NTM: variants seen among roughly 807,000 people sequenced by gnomAD.
NTM encodes neurotrimin, also known as IgLON family member 2.
A neutral mutation model predicts 42.1 loss-of-function variants in NTM; 13 were observed. The ratio of observed to expected loss-of-function variants is 0.31; its 90% CI spans 0.20 to 0.49. The LOEUF (loss-of-function observed/expected upper bound fraction) is 0.49. Among genes scored for constraint, NTM ranks in the 20% least tolerant of loss-of-function variants. The probability of loss-of-function intolerance (pLI) is 0.99; values close to 1 mark genes in which losing one functional copy is unlikely to be tolerated. For synonymous variants in NTM, 187 were observed against 179.2 expected, an observed-to-expected ratio of 1.04 and a Z score of -0.35; for missense variants, 373 against 452.8, an observed-to-expected ratio of 0.82 and a Z score of 1.60.
intron 2 of NTM, among the ~76,000 whole-genome samples, chr11:132,013,922 C>G (rs1263101996): frequency 6.6e-6 from 1 of 152,030 alleles, no homozygotes; most frequent in African/African-American, 2.4e-5. Flanking sequence ...TCGAAATGTA[C>G]AGTACATTGT....
At chr11:131,376,209 A>C (rs929429387) in intron 1 of NTM, among the ~76,000 whole-genome samples, 8 of 152,182 alleles carry the variant, frequency 5.3e-5, no homozygotes, top group African/African-American at 1.9e-4. Context: ...CCTCCCCAAA[A>C]GGTTCTCTGG....
At chr11:131,933,633 TA>T (rs2058878453) in intron 2 of NTM, among the ~76,000 whole-genome samples, 1 of 152,024 alleles carries the variant, frequency 6.6e-6, no homozygotes, top group Non-Finnish European at 1.5e-5. Context: ...AAAGTTTTAT[TA>T]AGTTAGTGCT....
intron 1 of NTM, among the ~76,000 whole-genome samples, chr11:131,589,020 C>A (rs2059126656): frequency 6.6e-6 from 1 of 152,122 alleles, no homozygotes; most frequent in African/African-American, 2.4e-5. Context: ...CATGCCTGAG[C>A]ATGCTAGGGG....
intron 2 of NTM, among the ~76,000 whole-genome samples, chr11:132,019,730 A>G (rs2135509324): frequency 6.6e-6 from 1 of 152,212 alleles, no homozygotes; most frequent in South Asian, 2.1e-4. Flanking sequence ...TCTAACATGT[A>G]GAAACCTGAG....
chr11:132,141,250 T>TCCCTCTCTCTCCCCCCTAC (rs2069073981), intron 2 of NTM, among the ~76,000 whole-genome samples: 1 of 151,904 alleles, frequency 6.6e-6, no homozygotes, highest in African/African-American at 2.4e-5. Flanking sequence ...TCTCTCTCTC[T>TCCCTCTCTCTCCCCCCTAC]CCCTCTCTCT....
chr11:132,253,447 G>A (rs1477016689), intron 4 of NTM, among the ~76,000 whole-genome samples: 3 of 117,542 alleles, frequency 2.6e-5, no homozygotes, highest in South Asian at 2.8e-4. Context: ...TGAAAATGGG[G>A]CAGATTTCAA....
At chr11:132,074,762 G>A (rs1406553574) in intron 2 of NTM, among the ~76,000 whole-genome samples, 2 of 152,196 alleles carry the variant, frequency 1.3e-5, no homozygotes, top group Non-Finnish European at 2.9e-5. Flanking sequence ...CAGCTACACA[G>A]TATGGATAAG....
At chr11:132,055,807 C>T (rs11222891) in intron 2 of NTM, among the ~76,000 whole-genome samples, 1 of 151,940 alleles carries the variant, frequency 6.6e-6, no homozygotes, top group African/African-American at 2.4e-5. Flanking sequence ...TGGCCTTGGG[C>T]CCTGTGCCTC....
chr11:131,398,996 A>C (rs1944844798), intron 1 of NTM, among the ~76,000 whole-genome samples: 1 of 152,234 alleles, frequency 6.6e-6, no homozygotes, highest in South Asian at 2.1e-4. Context: ...CCTGTAAACA[A>C]CGTGTATGCA....
intron 1 of NTM, among the ~76,000 whole-genome samples, chr11:131,376,959 A>T (rs995158807): frequency 1.3e-5 from 2 of 152,186 alleles, no homozygotes; most frequent in African/African-American, 4.8e-5. Context: ...CAACTAACGG[A>T]TAAGACCAAA....
intron 1 of NTM, among the ~76,000 whole-genome samples, chr11:131,751,806 A>G (rs565239661): frequency 8.0e-6 from 1 of 125,044 alleles, no homozygotes; most frequent in African/African-American, 3.7e-5. Flanking sequence ...TTGTAGCTAT[A>G]TAATTATACT....
intron 1 of NTM, among the ~76,000 whole-genome samples, chr11:131,569,086 T>C (rs1413356236): frequency 6.6e-6 from 1 of 152,128 alleles, no homozygotes; most frequent in African/African-American, 2.4e-5. Flanking sequence ...CTACCGTTGC[T>C]CCAGTCCTAG....
intron 1 of NTM, among the ~76,000 whole-genome samples, chr11:131,854,576 A>T (rs77169640): frequency 0.038 from 5,842 of 152,208 alleles, 387 homozygotes; most frequent in African/African-American, 0.13. Flanking sequence ...TGAGCTCAGT[A>T]TGTTGGAAAA....
chr11:132,305,044 A>C (rs777804985), intron 4 of NTM, among the ~76,000 whole-genome samples: 2 of 152,244 alleles, frequency 1.3e-5, no homozygotes, highest in Non-Finnish European at 2.9e-5. Flanking sequence ...CTACACATAA[A>C]TTAATGTGGC....
chr11:132,154,449 A>T (rs1402298501), intron 3 of NTM, among the ~76,000 whole-genome samples: 2 of 151,786 alleles, frequency 1.3e-5, no homozygotes, highest in Non-Finnish European at 2.9e-5. Context: ...CCAATACGTC[A>T]ATTTTCAAAA....
At chr11:131,514,877 C>T (rs1301440793) in intron 1 of NTM, among the ~76,000 whole-genome samples, 1 of 152,032 alleles carries the variant, frequency 6.6e-6, no homozygotes, top group Non-Finnish European at 1.5e-5. Flanking sequence ...CAGGCATGAG[C>T]CCCCATGCCC....
intron 2 of NTM, among the ~76,000 whole-genome samples, chr11:132,023,874 A>C (rs1392264357): frequency 6.6e-6 from 1 of 151,872 alleles, no homozygotes; most frequent in Admixed American, 6.6e-5. Context: ...GCTGGAGTGC[A>C]GTGGCGCGAT....
rs1173123206 is a variant in NTM at position 132,236,962 on chromosome 11, C to T, written c.526+24815C>T. Among the ~76,000 whole-genome samples the T allele has an allele frequency of 3.9e-5, 6 of 152,128 alleles. No individual in the cohort carries two copies. The South Asian group carries it at 6.2e-4, about 16-fold the overall frequency. On this transcript the variant is annotated intron_variant, in intron 4 of 8. Coordinates refer to ENST00000683400, the MANE Select transcript of NTM (RefSeq NM_001352005.2). ...AGGGGAGACCAGGGGCCCAGATCCCCGGGCCCAGCTGTCAGAGTCTGGAAG... is the reference window on the plus strand; with the variant it reads ...AGGGGAGACCAGGGGCCCAGATCCCTGGGCCCAGCTGTCAGAGTCTGGAAG...
chr11:132,113,580 T>G (rs1208185965), intron 2 of NTM, among the ~76,000 whole-genome samples: 3 of 152,146 alleles, frequency 2.0e-5, no homozygotes, highest in Non-Finnish European at 4.4e-5. Flanking sequence ...CCCCATGAGC[T>G]CTGATTGAAA....
Sources: allele counts gnomAD v4.1 joint callset (sites outside exome capture counted in the v4.1 genomes callset), GRCh38; gene constraint gnomAD v4.1.1; transcripts MANE v1.5; gene names NCBI Gene and HGNC (gene_info 2026-07-23, HGNC 2026-07-21).